The following GPBP1 variants were observed in gnomAD, a reference collection of about 807,000 sequenced individuals.
The protein encoded by GPBP1 is GC-rich promoter binding protein 1.
In GPBP1, 13 loss-of-function variants were observed where a neutral mutation model predicts 56.5. The ratio of observed to expected loss-of-function variants is 0.23; its 90% CI spans 0.15 to 0.37. GPBP1 has a LOEUF of 0.37. Ranked by LOEUF, GPBP1 falls within the 10% of genes least tolerant of loss-of-function variation. The pLI is 1.00. For missense variants in GPBP1, 477 were observed against 572.3 expected (o/e 0.83, Z 1.70); for synonymous variants, 204 against 188.9 (o/e 1.08, Z -0.66).
chr5:57,206,322 C>T lies in GPBP1; in HGVS notation c.-57-7752C>T, dbSNP rs148399268. On this transcript the variant is annotated intron_variant, in intron 2 of 11. Coordinates refer to ENST00000506184, the MANE Select transcript of GPBP1 (RefSeq NM_022913.4). ...CATTGCCAAATCCAAGGTCAGGAAG[C>T]TTTATCTCCCTGTTTTCTTCTAAGA... Among the ~76,000 whole-genome samples, 477 of 152,190 alleles carry T rather than the reference C, an allele frequency of 3.1e-3. 4 individuals are homozygous for T. Among genetic ancestry groups the T allele is most frequent in the African/African-American group, 0.011 (456 of 41,520 alleles).
chr5:57,254,907 C>T (rs979779433), intron 10 of GPBP1, among the ~76,000 whole-genome samples: 2 of 152,082 alleles, frequency 1.3e-5, no homozygotes, highest in African/African-American at 4.8e-5. Flanking sequence ...TTTTTATTGC[C>T]TCCCAAATTG....
In GPBP1 at chr5:57,249,441, C is replaced by G. The variant is rs1399683658; in HGVS notation, c.837C>G (p.Asp279Glu). 21 of 1,605,706 alleles carry G rather than the reference C, an allele frequency of 1.3e-5. No homozygotes were observed. Among genetic ancestry groups the G allele is most frequent in the Admixed American group, 1.7e-5 (1 of 57,824 alleles). ...CNRSNSSSPV[D>E]KLNQQPRLTK... is the part of the protein sequence containing the mutation. ...GCTCAAATTCCTCTTCTCCTGTTGA[C>G]AAACTTAATCAGCAGCCTCGTCTAA... The change falls in exon 9 of 12, where the codon GAC becomes GAG. Residue 279 changes from aspartate to glutamate, a missense_variant. By Grantham distance (45) the Asp-to-Glu change is conservative. Transcript: ENST00000506184.
At chr5:57,190,933 C>T (rs931854298) in intron 2 of GPBP1, among the ~76,000 whole-genome samples, 23 of 151,766 alleles carry the variant, frequency 1.5e-4, no homozygotes, top group African/African-American at 5.1e-4. Context: ...CTAGGCAAAA[C>T]ATGTTGCCTT....
At chr5:57,179,550 C>A (rs1753948815) in intron 2 of GPBP1, among the ~76,000 whole-genome samples, 1 of 152,160 alleles carries the variant, frequency 6.6e-6, no homozygotes, top group Non-Finnish European at 1.5e-5. Context: ...TTTCCACAGG[C>A]ATGGAGCTAA....
intron 2 of GPBP1, among the ~76,000 whole-genome samples, chr5:57,196,324 G>C (rs1193175451): frequency 6.7e-6 from 1 of 149,808 alleles, no homozygotes; most frequent in Non-Finnish European, 1.5e-5. Flanking sequence ...GACTTCTTTC[G>C]ACTGTTCTTT....
intron 5 of GPBP1, 120 bp from the exon 6 acceptor site, chr5:57,235,846 T>G (rs1410968523): frequency 1.4e-6 from 1 of 723,910 alleles, no homozygotes; most frequent in African/African-American, 1.8e-5. Context: ...TTAGGGTTAT[T>G]CAACCTGTAG....
At chr5:57,224,058 C>T (rs961177958) in intron 3 of GPBP1, among the ~76,000 whole-genome samples, 2 of 151,606 alleles carry the variant, frequency 1.3e-5, no homozygotes, top group African/African-American at 2.4e-5. Context: ...TGGTCTCGAT[C>T]TCCTGACCTC....
chr5:57,199,918 G>T (rs929561152), intron 2 of GPBP1, among the ~76,000 whole-genome samples: 66 of 140,732 alleles, frequency 4.7e-4, no homozygotes, highest in African/African-American at 1.6e-3. Flanking sequence ...TTTAACAGTG[G>T]TTTTTTTTTT....
At chr5:57,222,077 C>T (rs1428756982) in intron 3 of GPBP1, among the ~76,000 whole-genome samples, 2 of 151,748 alleles carry the variant, frequency 1.3e-5, no homozygotes, top group South Asian at 2.1e-4. Context: ...CAGGGTCTCA[C>T]TATGTTGCCC....
chr5:57,255,163 A>C (rs1166218122), intron 10 of GPBP1, among the ~76,000 whole-genome samples: 1 of 152,108 alleles, frequency 6.6e-6, no homozygotes, highest in African/African-American at 2.4e-5. Context: ...TCCTGTGATC[A>C]AGATTTATGT....
At chr5:57,245,292 A>G (rs935073337) in intron 6 of GPBP1, among the ~76,000 whole-genome samples, 4 of 152,158 alleles carry the variant, frequency 2.6e-5, no homozygotes, top group East Asian at 1.9e-4. Context: ...TAGCATTTCA[A>G]TAGGTGAAGC....
chr5:57,217,350 A>T (rs548973782), intron 3 of GPBP1, among the ~76,000 whole-genome samples: 29 of 151,976 alleles, frequency 1.9e-4, no homozygotes, highest in Non-Finnish European at 3.7e-4. Context: ...AGGCGGGCGG[A>T]TCACCTGAGG....
At chr5:57,204,242 G>GT (rs1280852791) in intron 2 of GPBP1, among the ~76,000 whole-genome samples, 15 of 151,586 alleles carry the variant, frequency 9.9e-5, no homozygotes, top group Admixed American at 4.6e-4. Flanking sequence ...TTTACAGCTT[G>GT]TTTTTTTTGT....
chr5:57,220,231 G>A (rs1226176101), intron 3 of GPBP1, among the ~76,000 whole-genome samples: 1 of 151,624 alleles, frequency 6.6e-6, no homozygotes, highest in Non-Finnish European at 1.5e-5. Flanking sequence ...CTCAGGAGAT[G>A]CTTCTGCCTT....
At chr5:57,188,704 C>CT (rs1754394561) in intron 2 of GPBP1, among the ~76,000 whole-genome samples, 1 of 152,170 alleles carries the variant, frequency 6.6e-6, no homozygotes, top group Admixed American at 6.5e-5. Context: ...GATCGTGGCA[C>CT]TGCACTCCAG....
chr5:57,225,820 A>G (rs534545468), intron 3 of GPBP1, among the ~76,000 whole-genome samples: 1 of 152,322 alleles, frequency 6.6e-6, no homozygotes, highest in African/African-American at 2.4e-5. Context: ...GGAAAAATTG[A>G]TGTGGACATG....
intron 2 of GPBP1, among the ~76,000 whole-genome samples, chr5:57,194,206 A>G (rs139561984): frequency 6.9e-4 from 105 of 152,214 alleles, no homozygotes; most frequent in African/African-American, 2.4e-3. Context: ...CTTTTTTGCT[A>G]TTATGAGTAG....
chr5:57,232,810 G>A (rs1756515839), intron 5 of GPBP1, among the ~76,000 whole-genome samples: 1 of 152,180 alleles, frequency 6.6e-6, no homozygotes, highest in Non-Finnish European at 1.5e-5. Flanking sequence ...TGCCGAGGAA[G>A]TTAAATTTAT....
chr5:57,231,646 T>A (rs1223737310), intron 5 of GPBP1, among the ~76,000 whole-genome samples: 2 of 152,238 alleles, frequency 1.3e-5, no homozygotes, highest in Non-Finnish European at 2.9e-5. Context: ...TGACCCAGTG[T>A]ACAGTCATAT....
Sources: gnomAD v4.1 joint callset for allele counts (sites outside exome capture counted in the v4.1 genomes callset) on GRCh38, gnomAD v4.1.1 for gene constraint, MANE v1.5 for transcripts, NCBI Gene and HGNC (gene_info 2026-07-23, HGNC 2026-07-21) for gene names.